The following ARHGEF3 variants were observed in gnomAD, a reference collection of about 807,000 sequenced individuals.
ARHGEF3 encodes the protein 59.8 kDA protein.
ARHGEF3 carries 28 observed loss-of-function variants against 63.2 expected under a neutral mutation model. That is an observed-to-expected ratio of 0.44 (90% CI 0.33 to 0.61). ARHGEF3 has a LOEUF of 0.61. Among genes scored for constraint, ARHGEF3 ranks in the 20% least tolerant of loss-of-function variants. The probability of loss-of-function intolerance (pLI) is 0.03; values close to 1 mark genes in which losing one functional copy is unlikely to be tolerated. For synonymous variants in ARHGEF3, 266 were observed against 254.2 expected (o/e 1.05, Z -0.44); for missense variants, 533 against 659.3 (o/e 0.81, Z 2.10).
intron 2 of ARHGEF3, among the ~76,000 whole-genome samples, chr3:56,971,618 G>A (rs996361759): frequency 6.6e-5 from 10 of 151,518 alleles, no homozygotes; most frequent in Admixed American, 2.0e-4. Flanking sequence ...TTGGGAGGCC[G>A]AGGTGGGTGG....
intron 2 of ARHGEF3, among the ~76,000 whole-genome samples, chr3:56,984,642 A>G (rs1474687983): frequency 6.6e-6 from 1 of 152,216 alleles, no homozygotes; most frequent in Non-Finnish European, 1.5e-5. Context: ...CACTTTGTGC[A>G]TTTCCCAAAT....
chr3:57,078,300 T>C (rs1706305277), intron 1 of ARHGEF3, among the ~76,000 whole-genome samples: 1 of 152,192 alleles, frequency 6.6e-6, no homozygotes, highest in Non-Finnish European at 1.5e-5. Flanking sequence ...AATAAGTTTC[T>C]ACCGGTACAT....
chr3:56,742,915 T>C (rs527700009), intron 7 of ARHGEF3, among the ~76,000 whole-genome samples: 1 of 152,120 alleles, frequency 6.6e-6, no homozygotes, highest in East Asian at 1.9e-4. Flanking sequence ...GCTCACTGGG[T>C]ATTTTTTAAA....
In ARHGEF3 at chr3:56,745,251, C is replaced by T. The variant is rs916127493; in HGVS notation, c.824G>A (p.Arg275Lys). Residue 275 changes from arginine to lysine, a missense_variant, in exon 7 of 10, where the codon AGG becomes AAG. By Grantham distance (26) the Arg-to-Lys change is conservative. Coordinates refer to ENST00000296315, the MANE Select transcript of ARHGEF3 (RefSeq NM_019555.3). Reference sequence around the variant, plus strand: ...ATCTGGATTATCATTTGGTGTGTGCCTCAAGATTTCTCGGAGAAGCAGAGG... The same window carrying T: ...ATCTGGATTATCATTTGGTGTGTGCTTCAAGATTTCTCGGAGAAGCAGAGG... ...KYPLLLREIL[R>K]HTPNDNPDQQ... The T allele has an allele frequency of 1.2e-6, 2 of 1,613,960 alleles. No individual in the cohort carries two copies. Among genetic ancestry groups the T allele is most frequent in the African/African-American group, 2.7e-5 (2 of 74,972 alleles).
chr3:56,976,447 TG>T (rs1701130239), intron 2 of ARHGEF3, among the ~76,000 whole-genome samples: 1 of 152,230 alleles, frequency 6.6e-6, no homozygotes, highest in Non-Finnish European at 1.5e-5. Flanking sequence ...AAGGGCTTCT[TG>T]CCCTGGGAGG....
intron 2 of ARHGEF3, 88 bp from the exon 3 acceptor site, chr3:56,755,239 A>T: frequency 7.1e-7 from 1 of 1,401,346 alleles, no homozygotes; most frequent in Non-Finnish European, 9.9e-7. Flanking sequence ...ACGGAACATA[A>T]ATCATATATG....
intron 2 of ARHGEF3, among the ~76,000 whole-genome samples, chr3:57,013,205 C>T (rs1220937182): frequency 6.6e-6 from 1 of 152,248 alleles, no homozygotes; most frequent in Non-Finnish European, 1.5e-5. Flanking sequence ...CTGCCCCCTG[C>T]TCCATGGTGC....
chr3:57,059,614 G>C (rs566498763), intron 1 of ARHGEF3, among the ~76,000 whole-genome samples: 140 of 152,040 alleles, frequency 9.2e-4, no homozygotes, highest in African/African-American at 3.2e-3. Context: ...CATAGCCTCA[G>C]GCAAGTTGCT....
intron 3 of ARHGEF3, among the ~76,000 whole-genome samples, chr3:56,899,103 G>T (rs1385640140): frequency 6.6e-6 from 1 of 152,118 alleles, no homozygotes; most frequent in African/African-American, 2.4e-5. Flanking sequence ...CTCCACTGAG[G>T]GGTGAGGAGG....
chr3:56,735,575 G>A lies in ARHGEF3; in HGVS notation c.1041+1610C>T, dbSNP rs149268920. 4.2e-3 allele frequency among the ~76,000 whole-genome samples: 633 copies of A among 152,288 alleles called. 3 individuals are homozygous for A. The highest frequency in any genetic ancestry group is 4.4e-3 in the Non-Finnish European group (299 of 68,022). Reference sequence around the variant, plus strand: ...GTTCTCAGTCCTTCACTGATGTACAGAAAGATAATAGGCTTACACCCTGTG... The same window carrying A: ...GTTCTCAGTCCTTCACTGATGTACAAAAAGATAATAGGCTTACACCCTGTG... On this transcript the variant is annotated intron_variant, in intron 8 of 9. Transcript: ENST00000296315.
rs771360041 is a variant in ARHGEF3, at chr3:57,016,307, G to C, written c.62+18781C>G. 5.3e-5 allele frequency among the ~76,000 whole-genome samples: 8 copies of C among 151,952 alleles called. 1 individual carries two copies. Among genetic ancestry groups the C allele is most frequent in the Non-Finnish European group, 2.9e-5 (2 of 67,994 alleles). On this transcript the variant is annotated intron_variant, in intron 2 of 12. Coordinates refer to the ARHGEF3 transcript ENST00000338458. Reference sequence around the variant, plus strand: ...CGCAGTAATCCCAGCACTTTGGGAGGCCTCGGTGGGAGGATCATGAGGTCA... The same window carrying C: ...CGCAGTAATCCCAGCACTTTGGGAGCCCTCGGTGGGAGGATCATGAGGTCA...
chr3:56,813,065 A>T (rs2038132268), intron 4 of ARHGEF3, among the ~76,000 whole-genome samples: 1 of 152,246 alleles, frequency 6.6e-6, no homozygotes, highest in South Asian at 2.1e-4. Flanking sequence ...GGGTAGGTAC[A>T]AGGATTGCTC....
intron 1 of ARHGEF3, among the ~76,000 whole-genome samples, chr3:57,037,799 CG>C (rs1704023260): frequency 6.6e-6 from 1 of 152,102 alleles, no homozygotes; most frequent in South Asian, 2.1e-4. Context: ...GGTGTGAACC[CG>C]GGAGGCGGAG....
intron 2 of ARHGEF3, among the ~76,000 whole-genome samples, chr3:57,018,437 G>T (rs1368729683): frequency 1.3e-5 from 2 of 152,104 alleles, no homozygotes; most frequent in African/African-American, 4.8e-5. Context: ...ACTCTATAAG[G>T]TAGGTCCTAT....
chr3:57,038,313 C>CG (rs1338182336), intron 1 of ARHGEF3, among the ~76,000 whole-genome samples: 1 of 152,120 alleles, frequency 6.6e-6, no homozygotes, highest in Non-Finnish European at 1.5e-5. Flanking sequence ...AATGAGGCCC[C>CG]GGGGGTTGTT....
Position 56,913,330 on chromosome 3 carries a change from G to A in ARHGEF3, c.130-30976C>T, listed in dbSNP as rs145986628. ...GCAAAAAAAATAAGCAACCCAATTC[G>A]AAAGTGAGCAAAGGACTTGAACAGA... On this transcript the variant is annotated intron_variant, in intron 3 of 12. Transcript: ENST00000338458. Among the ~76,000 whole-genome samples, 475 of 152,196 alleles carry A rather than the reference G, an allele frequency of 3.1e-3. 1 individual carries two copies. Among genetic ancestry groups the A allele is most frequent in the African/African-American group, 0.01 (425 of 41,542 alleles).
intron 4 of ARHGEF3, among the ~76,000 whole-genome samples, chr3:56,817,951 C>T (rs1183835597): frequency 6.6e-6 from 1 of 152,202 alleles, no homozygotes; most frequent in Admixed American, 6.5e-5. Context: ...TCCCTGTTTA[C>T]CCACAGACTG....
rs1446497608 is a variant in ARHGEF3, at chr3:56,967,374, A to G, written c.63-8485T>C. On this transcript the variant is annotated intron_variant, in intron 2 of 12. Transcript: ENST00000338458. Reference sequence around the variant, plus strand: ...ATTATATAATATTATATTATATATTATATATTATACATATTATATATTATA... The same window carrying G: ...ATTATATAATATTATATTATATATTGTATATTATACATATTATATATTATA... Among the ~76,000 whole-genome samples the G allele has an allele frequency of 1.0e-3, 77 of 75,170 alleles. 2 individuals are homozygous for G. The highest frequency in any genetic ancestry group is 4.3e-3 in the African/African-American group (67 of 15,630). 49.3% of individuals were successfully genotyped at this position (75,170 alleles called of 152,430 possible). A position where few individuals can be genotyped will look rare whatever the true frequency, so the allele number is the denominator to read the frequency against.
intron 2 of ARHGEF3, among the ~76,000 whole-genome samples, chr3:56,769,626 A>G (rs751867451): frequency 2.0e-5 from 3 of 152,146 alleles, no homozygotes; most frequent in Non-Finnish European, 4.4e-5. Context: ...GGCTTTTAAC[A>G]TTTTTGGAAG....
Sources: allele counts gnomAD v4.1 joint callset (sites outside exome capture counted in the v4.1 genomes callset), GRCh38; gene constraint gnomAD v4.1.1; transcripts MANE v1.5; gene names NCBI Gene and HGNC (gene_info 2026-07-23, HGNC 2026-07-21).